PDE10A: variants seen among roughly 807,000 people sequenced by gnomAD.
PDE10A encodes phosphodiesterase 10A.
In PDE10A, 39 loss-of-function variants were observed where a neutral mutation model predicts 97.7. The observed-to-expected ratio is 0.40, with a 90% CI of 0.31 to 0.52. The LOEUF is 0.52. Among genes scored for constraint, PDE10A ranks in the 20% least tolerant of loss-of-function variants. PDE10A has a pLI of 0.56. For synonymous variants in PDE10A, 371 were observed against 376.8 expected, an observed-to-expected ratio of 0.98 and a Z score of 0.18; for missense variants, 731 against 1,047.8, an observed-to-expected ratio of 0.70 and a Z score of 4.17.
intron 1 of PDE10A, among the ~76,000 whole-genome samples, chr6:165,595,010 T>C (rs1002076772): frequency 3.3e-5 from 5 of 152,212 alleles, no homozygotes; most frequent in African/African-American, 1.2e-4. Flanking sequence ...TTTGTCAAAG[T>C]CACGTATCTA....
chr6:165,977,392 T>C (rs1187473963), intron 1 of PDE10A, among the ~76,000 whole-genome samples: 3 of 152,200 alleles, frequency 2.0e-5, no homozygotes, highest in African/African-American at 7.2e-5. Context: ...TATAACTTGG[T>C]GATGGTCCAT....
intron 1 of PDE10A, among the ~76,000 whole-genome samples, chr6:165,659,267 G>C (rs1342423093): frequency 1.3e-5 from 2 of 151,226 alleles, no homozygotes; most frequent in African/African-American, 4.9e-5. Flanking sequence ...ACCAACAGAA[G>C]ATCAAACTGA....
At chr6:165,623,274 G>A (rs995606200) in intron 1 of PDE10A, among the ~76,000 whole-genome samples, 2 of 152,006 alleles carry the variant, frequency 1.3e-5, no homozygotes, top group African/African-American at 4.8e-5. Flanking sequence ...TACAGGCACC[G>A]GCCACCATGC....
At chr6:165,876,898 C>T (rs1046173756) in intron 1 of PDE10A, among the ~76,000 whole-genome samples, 4 of 152,146 alleles carry the variant, frequency 2.6e-5, no homozygotes, top group African/African-American at 7.2e-5. Flanking sequence ...AGCAGCTGTA[C>T]GAAAACAAAT....
intron 1 of PDE10A, among the ~76,000 whole-genome samples, chr6:165,890,840 A>G (rs1485251781): frequency 6.6e-6 from 1 of 152,238 alleles, no homozygotes; most frequent in Non-Finnish European, 1.5e-5. Context: ...AAAAGAAACA[A>G]AGGCTGTAAT....
chr6:165,883,899 G>C (rs771965555), intron 1 of PDE10A, among the ~76,000 whole-genome samples: 1 of 152,146 alleles, frequency 6.6e-6, no homozygotes, highest in African/African-American at 2.4e-5. Context: ...AAATAAGCTC[G>C]GATCCTAGGT....
chr6:165,637,356 C>T (rs968893404), intron 1 of PDE10A, among the ~76,000 whole-genome samples: 1 of 152,166 alleles, frequency 6.6e-6, no homozygotes, highest in African/African-American at 2.4e-5. Context: ...TCTGTCACCG[C>T]ACACATGTCC....
rs545991563 is a variant in PDE10A, at chr6:165,743,061, C to A, written c.-614-199493G>T. Among the ~76,000 whole-genome samples the A allele has an allele frequency of 3.9e-5, 6 of 152,294 alleles. No individual in the cohort carries two copies. In the East Asian group the frequency reaches 1.2e-3, roughly 29 times the overall value. On this transcript the variant is annotated intron_variant, in intron 1 of 19. Coordinates refer to the PDE10A transcript ENST00000366882. ...GCAAGAGTGGCCTGTAGCACCCCTA[C>A]CCTGCCCTGTGTCTTAGCTGGCATT... is the stretch of plus-strand genomic sequence containing the variant.
intron 6 of PDE10A, among the ~76,000 whole-genome samples, chr6:165,433,566 T>C (rs934927482): frequency 4.6e-5 from 7 of 152,228 alleles, no homozygotes; most frequent in African/African-American, 1.7e-4. Flanking sequence ...AAGCCTAGAG[T>C]AACACAAAAG....
intron 1 of PDE10A, among the ~76,000 whole-genome samples, chr6:165,961,830 A>G (rs1562329634): frequency 2.0e-5 from 3 of 152,230 alleles, no homozygotes; most frequent in Non-Finnish European, 2.9e-5. Flanking sequence ...GAAATCCATA[A>G]TATTCTTCTT....
At chr6:165,590,097 G>A (rs750836810) in intron 1 of PDE10A, among the ~76,000 whole-genome samples, 4 of 152,206 alleles carry the variant, frequency 2.6e-5, no homozygotes, top group Non-Finnish European at 5.9e-5. Flanking sequence ...CACATCTGAG[G>A]TTGAGGAAAG....
chr6:165,654,283 G>T (rs1232917936), intron 1 of PDE10A, among the ~76,000 whole-genome samples: 1 of 152,004 alleles, frequency 6.6e-6, no homozygotes, highest in Non-Finnish European at 1.5e-5. Flanking sequence ...CCTGTTCCTA[G>T]CCTCCCAGTT....
At chr6:165,942,319 C>T (rs878939709) in intron 1 of PDE10A, among the ~76,000 whole-genome samples, 11 of 151,164 alleles carry the variant, frequency 7.3e-5, no homozygotes, top group African/African-American at 2.4e-4. Flanking sequence ...CACATATATG[C>T]GCACACACAC....
At chr6:165,766,475 A>G (rs7744143) in intron 1 of PDE10A, among the ~76,000 whole-genome samples, 14,995 of 152,272 alleles carry the variant, frequency 0.098, 895 homozygotes, top group South Asian at 0.19. Context: ...AAACCTCCAT[A>G]CAAAGTTTAG....
At chr6:165,346,850 T>A (rs1304205682) in intron 18 of PDE10A, among the ~76,000 whole-genome samples, 2 of 152,198 alleles carry the variant, frequency 1.3e-5, no homozygotes, top group African/African-American at 2.4e-5. Context: ...TATTCAAAAG[T>A]ATACTGATGT....
intron 1 of PDE10A, among the ~76,000 whole-genome samples, chr6:165,889,749 G>A (rs901211151): frequency 6.6e-5 from 10 of 151,892 alleles, no homozygotes; most frequent in East Asian, 3.9e-4. Flanking sequence ...AGACTAACAC[G>A]GCACAGGAAG....
At chr6:165,686,478 T>C (rs978153781) in intron 1 of PDE10A, among the ~76,000 whole-genome samples, 14 of 152,138 alleles carry the variant, frequency 9.2e-5, no homozygotes, top group Non-Finnish European at 1.3e-4. Context: ...TGGCAGGAGC[T>C]GTGGCCGCAC....
chr6:165,341,607 G>A (rs555303193), intron 19 of PDE10A, among the ~76,000 whole-genome samples: 1 of 152,184 alleles, frequency 6.6e-6, no homozygotes, highest in Admixed American at 6.5e-5. Flanking sequence ...ATCCTTACAC[G>A]GGATTCATTT....
At chr6:165,766,999 C>T (rs1209787011) in intron 1 of PDE10A, among the ~76,000 whole-genome samples, 1 of 152,024 alleles carries the variant, frequency 6.6e-6, no homozygotes, top group East Asian at 1.9e-4. Context: ...ATTTTCTGGC[C>T]CACAAATAAC....
Sources: allele counts gnomAD v4.1 joint callset (sites outside exome capture counted in the v4.1 genomes callset), GRCh38; gene constraint gnomAD v4.1.1; transcripts MANE v1.5; gene names NCBI Gene and HGNC (gene_info 2026-07-23, HGNC 2026-07-21).